Variants in ENTREP2 observed in about 807,000 individuals in gnomAD.
The protein encoded by ENTREP2 is endosomal transmembrane epsin interactor 2, also known as protein ENTREP2.
the ENTREP2 span, among the ~76,000 whole-genome samples, chr15:29,489,793 T>C: frequency 6.6e-6 from 1 of 152,166 alleles, no homozygotes; most frequent in Non-Finnish European, 1.5e-5. Flanking sequence ...TTTGCACGTC[T>C]GGGTACCATC....
the ENTREP2 span, among the ~76,000 whole-genome samples, chr15:29,279,070 A>G: frequency 0.054 from 8,288 of 152,244 alleles, 697 homozygotes; most frequent in African/African-American, 0.17. Context: ...GTTGGACCAG[A>G]GCCCCACTGT....
At chr15:29,538,917 T>C in the ENTREP2 span, among the ~76,000 whole-genome samples, 425 of 152,258 alleles carry the variant, frequency 2.8e-3, 2 homozygotes, top group African/African-American at 9.9e-3. Context: ...TCCACCAGCA[T>C]ATATATTAGC....
chr15:29,658,043 A>G, the ENTREP2 span, among the ~76,000 whole-genome samples: 1 of 152,188 alleles, frequency 6.6e-6, no homozygotes, highest in African/African-American at 2.4e-5. Flanking sequence ...ACAAATCAGG[A>G]GTTGCCAATG....
At chr15:29,673,862 T>C in the ENTREP2 span, among the ~76,000 whole-genome samples, 1,211 of 151,950 alleles carry the variant, frequency 8.0e-3, 28 homozygotes, top group Non-Finnish European at 7.0e-3. Flanking sequence ...TCTTTCACTG[T>C]CATAGTTGTC....
the ENTREP2 span, among the ~76,000 whole-genome samples, chr15:29,638,520 G>A: frequency 6.6e-6 from 1 of 152,206 alleles, no homozygotes; most frequent in African/African-American, 2.4e-5. Flanking sequence ...GTCACATTGT[G>A]CTCACTAAAA....
chr15:29,421,277 T>C, the ENTREP2 span, among the ~76,000 whole-genome samples: 1 of 152,276 alleles, frequency 6.6e-6, no homozygotes, highest in Non-Finnish European at 1.5e-5. Flanking sequence ...GTGAATAATA[T>C]CTGCATAGGT....
At chr15:29,178,901 C>T in the ENTREP2 span, among the ~76,000 whole-genome samples, 6 of 152,180 alleles carry the variant, frequency 3.9e-5, no homozygotes, top group Admixed American at 2.6e-4. Context: ...AGTATCAGAT[C>T]ATCTTGTATT....
At chr15:29,407,277 C>T in the ENTREP2 span, among the ~76,000 whole-genome samples, 6 of 152,276 alleles carry the variant, frequency 3.9e-5, no homozygotes, top group South Asian at 1.0e-3. Flanking sequence ...CACATCTCAA[C>T]ATAATAACGG....
At chr15:29,577,086 T>A in the ENTREP2 span, among the ~76,000 whole-genome samples, 1 of 150,688 alleles carries the variant, frequency 6.6e-6, no homozygotes, top group Non-Finnish European at 1.5e-5. Flanking sequence ...GGATTACAGG[T>A]GTGAGCCACC....
chr15:29,597,207 T>C, the ENTREP2 span, among the ~76,000 whole-genome samples: 4 of 152,354 alleles, frequency 2.6e-5, no homozygotes, highest in Non-Finnish European at 5.9e-5. Flanking sequence ...TGTCATATAG[T>C]TGGACTCATA....
At chr15:29,587,177 G>A in the ENTREP2 span, among the ~76,000 whole-genome samples, 5 of 149,112 alleles carry the variant, frequency 3.4e-5, no homozygotes, top group Non-Finnish European at 7.4e-5. Flanking sequence ...GTGTGTGTGT[G>A]TGTGTGTGTG....
chr15:29,628,707 G>A, the ENTREP2 span, among the ~76,000 whole-genome samples: 2 of 152,032 alleles, frequency 1.3e-5, no homozygotes, highest in Non-Finnish European at 2.9e-5. Context: ...TTGGTGTTTG[G>A]TACATGCACA....
chr15:29,256,040 T>C, the ENTREP2 span, among the ~76,000 whole-genome samples: 1 of 151,032 alleles, frequency 6.6e-6, no homozygotes, highest in Non-Finnish European at 1.5e-5. Flanking sequence ...ATGTTCTTTG[T>C]AGTAACATGG....
the ENTREP2 span, among the ~76,000 whole-genome samples, chr15:29,230,053 G>A: frequency 6.6e-6 from 1 of 151,940 alleles, no homozygotes; most frequent in Admixed American, 6.6e-5. Flanking sequence ...TTATCACCCT[G>A]TCAAGACACC....
At chr15:29,239,940 T>G in the ENTREP2 span, among the ~76,000 whole-genome samples, 439 of 152,298 alleles carry the variant, frequency 2.9e-3, 2 homozygotes, top group Admixed American at 7.9e-3. Flanking sequence ...CCAAAATAAA[T>G]AAGATATATT....
chr15:29,472,430 C>CACAT, the ENTREP2 span, among the ~76,000 whole-genome samples: 1 of 107,258 alleles, frequency 9.3e-6, no homozygotes, highest in East Asian at 2.2e-4. Context: ...CAACACACAA[C>CACAT]ACACACACAC....
chr15:29,260,190 C>T, the ENTREP2 span, among the ~76,000 whole-genome samples: 2 of 152,188 alleles, frequency 1.3e-5, no homozygotes, highest in Admixed American at 6.5e-5. Flanking sequence ...CAAACTCTCT[C>T]AAAAACTGAA....
the ENTREP2 span, among the ~76,000 whole-genome samples, chr15:29,432,701 C>T: frequency 6.6e-6 from 1 of 152,184 alleles, no homozygotes; most frequent in Non-Finnish European, 1.5e-5. Context: ...CATGGCAGCC[C>T]ACACCTACAG....
chr15:29,258,332 C>G, the ENTREP2 span, among the ~76,000 whole-genome samples: 5 of 151,928 alleles, frequency 3.3e-5, no homozygotes, highest in South Asian at 1.0e-3. Flanking sequence ...CTGGCCTGCA[C>G]AGCTTTGAAA....
Sources: gnomAD v4.1 joint callset for allele counts (sites outside exome capture counted in the v4.1 genomes callset) on GRCh38, gnomAD v4.1.1 for gene constraint, MANE v1.5 for transcripts, NCBI Gene and HGNC (gene_info 2026-07-23, HGNC 2026-07-21) for gene names.